The following GRIN3A variants were observed in gnomAD, a reference collection of about 807,000 sequenced individuals.
The protein encoded by GRIN3A is glutamate receptor ionotropic, NMDA 3A.
A neutral mutation model predicts 92.4 loss-of-function variants in GRIN3A; 47 were observed. The observed-to-expected ratio is 0.51, with a 90% CI of 0.40 to 0.65. The LOEUF is 0.65. Ranked by LOEUF, GRIN3A falls within the 30% of genes least tolerant of loss-of-function variation. The pLI is 0.00. For missense variants in GRIN3A, 1,324 were observed against 1,393.1 expected (o/e 0.95, Z 0.79); for synonymous variants, 527 against 540.6 (o/e 0.97, Z 0.35).
rs780818161 is a variant in GRIN3A, at chr9:101,670,282, T to G, written c.2130A>C (p.Arg710Ser). The G allele has an allele frequency of 6.2e-7, 1 of 1,614,064 alleles. No homozygotes were observed. The change falls in exon 3 of 9, where the codon AGA becomes AGC. Residue 710 changes from arginine to serine, a missense_variant. Physicochemically the swap from Arg to Ser is moderately radical, Grantham distance 110. Coordinates refer to ENST00000361820, the MANE Select transcript of GRIN3A (RefSeq NM_133445.3). ...CTGAAGAAAAGGAGAAGACTTTACT[T>G]CTATTTCGCCCCTTGGGAGTCAAAC... ...PFGLTPKGRN[R>S]SKVFSFSSAL...
intron 1 of GRIN3A, among the ~76,000 whole-genome samples, chr9:101,689,844 A>T (rs540012671): frequency 5.9e-5 from 9 of 152,294 alleles, no homozygotes; most frequent in African/African-American, 1.9e-4. Flanking sequence ...TCCAGGACAA[A>T]AATTAAACAA....
At chr9:101,711,756 G>A (rs925016608) in intron 1 of GRIN3A, among the ~76,000 whole-genome samples, 2 of 152,120 alleles carry the variant, frequency 1.3e-5, no homozygotes, top group African/African-American at 2.4e-5. Flanking sequence ...AGCGAAATGA[G>A]CATTGGAAAG....
intron 1 of GRIN3A, among the ~76,000 whole-genome samples, chr9:101,701,420 A>G (rs1004858490): frequency 4.6e-5 from 7 of 152,056 alleles, no homozygotes; most frequent in African/African-American, 7.2e-5. Context: ...CTATGTGTCC[A>G]TGTAGTCTCA....
intron 1 of GRIN3A, among the ~76,000 whole-genome samples, chr9:101,731,653 T>C (rs1830140678): frequency 6.6e-6 from 1 of 152,090 alleles, no homozygotes; most frequent in East Asian, 1.9e-4. Context: ...AGGTCAGGGA[T>C]CAACCCACTT....
chr9:101,735,539 G>A (rs1351768705), intron 1 of GRIN3A, among the ~76,000 whole-genome samples: 1 of 151,716 alleles, frequency 6.6e-6, no homozygotes, highest in Non-Finnish European at 1.5e-5. Flanking sequence ...TAAGGAACAC[G>A]AATTTTGGTG....
intron 5 of GRIN3A, among the ~76,000 whole-genome samples, chr9:101,618,479 A>T (rs1828499707): frequency 6.6e-6 from 1 of 152,218 alleles, no homozygotes; most frequent in East Asian, 1.9e-4. Flanking sequence ...GAGAAATGCA[A>T]ATCAAAACCA....
rs546072693 is a variant in GRIN3A, at chr9:101,711,218, T to G, written c.700-24018A>C. On this transcript the variant is annotated intron_variant, in intron 1 of 8. Coordinates refer to ENST00000361820, the MANE Select transcript of GRIN3A (RefSeq NM_133445.3). The stretch of plus-strand genomic sequence containing the variant: ...CAGGAGGACCATCTGCTTTGGGAGA[T>G]CCTGGATCATCGAGCCATGATGACA... Among the ~76,000 whole-genome samples the G allele has an allele frequency of 2.0e-5, 3 of 152,232 alleles. No individual in the cohort carries two copies. The East Asian group carries it at 5.8e-4, about 29-fold the overall frequency.
chr9:101,642,997 C>T (rs1828886514), intron 3 of GRIN3A, among the ~76,000 whole-genome samples: 4 of 151,970 alleles, frequency 2.6e-5, no homozygotes, highest in Admixed American at 2.6e-4. Flanking sequence ...TTATATATTA[C>T]AATGTAATAA....
chr9:101,681,695 C>CTTTT (rs1008362638), intron 2 of GRIN3A, among the ~76,000 whole-genome samples: 1 of 17,878 alleles, frequency 5.6e-5, no homozygotes, highest in East Asian at 3.8e-4. Flanking sequence ...TATCCCTATT[C>CTTTT]TTTTTTTTTT....
chr9:101,610,149 T>C (rs1022602638), intron 6 of GRIN3A, among the ~76,000 whole-genome samples: 1 of 152,250 alleles, frequency 6.6e-6, no homozygotes, highest in African/African-American at 2.4e-5. Flanking sequence ...CTCAATTGAC[T>C]GGTATAGGCC....
At chr9:101,655,077 A>G (rs997173776) in intron 3 of GRIN3A, among the ~76,000 whole-genome samples, 1 of 151,910 alleles carries the variant, frequency 6.6e-6, no homozygotes, top group Non-Finnish European at 1.5e-5. Context: ...AGTTTTTCCT[A>G]TAATTGCTAT....
chr9:101,697,728 C>G (rs998789987), intron 1 of GRIN3A, among the ~76,000 whole-genome samples: 1 of 152,144 alleles, frequency 6.6e-6, no homozygotes, highest in Non-Finnish European at 1.5e-5. Context: ...GAACTTAAAG[C>G]TCACCTATAT....
chr9:101,659,964 A>T (rs1829149819), intron 3 of GRIN3A, among the ~76,000 whole-genome samples: 1 of 151,864 alleles, frequency 6.6e-6, no homozygotes, highest in Admixed American at 6.6e-5. Context: ...TGAACTAGCA[A>T]AGCCTTGATG....
chr9:101,730,821 A>C (rs1471297794), intron 1 of GRIN3A, among the ~76,000 whole-genome samples: 2 of 152,160 alleles, frequency 1.3e-5, no homozygotes, highest in Non-Finnish European at 2.9e-5. Context: ...GAGAAAGTAT[A>C]AAGACAACTT....
At position 101,638,040 on chromosome 9, in the gene GRIN3A, A is replaced by G. The variant is rs186374920; in HGVS notation, c.2353-9639T>C. Reference sequence around the variant, plus strand: ...ATGCACCCCATCTACTATTTATAAAATAAGTTTCTAGTCTTTATTTTCTTT... The same window carrying G: ...ATGCACCCCATCTACTATTTATAAAGTAAGTTTCTAGTCTTTATTTTCTTT... On this transcript the variant is annotated intron_variant, in intron 3 of 8. Coordinates refer to ENST00000361820, the MANE Select transcript of GRIN3A (RefSeq NM_133445.3). Among the ~76,000 whole-genome samples the G allele has an allele frequency of 3.3e-5, 5 of 152,326 alleles. No individual in the cohort carries two copies. In the East Asian group the frequency reaches 7.7e-4, roughly 23 times the overall value.
In GRIN3A at chr9:101,670,653, T is replaced by A; in HGVS notation, c.1759A>T (p.Ile587Leu). 1 of 1,613,992 alleles carries A rather than the reference T, an allele frequency of 6.2e-7. No individual in the cohort carries two copies. Among genetic ancestry groups the A allele is most frequent in the Non-Finnish European group, 8.5e-7 (1 of 1,179,884 alleles). The part of the protein sequence containing the change: ...YGYCIDLLEK[I>L]AEDMNFDFDL... ...AAGTCAAAGTTCATGTCTTCTGCTA[T>A]CTTTTCCAGCAGATCAATGCAATAT... Residue 587 changes from isoleucine to leucine, a missense_variant, in exon 3 of 9, where the codon ATA becomes TTA. By Grantham distance (5) the Ile-to-Leu change is conservative (BLOSUM62 2). Coordinates refer to ENST00000361820, the MANE Select transcript of GRIN3A (RefSeq NM_133445.3).
chr9:101,694,935 A>T (rs1270213029), intron 1 of GRIN3A, among the ~76,000 whole-genome samples: 1 of 152,210 alleles, frequency 6.6e-6, no homozygotes, highest in Non-Finnish European at 1.5e-5. Flanking sequence ...TGCAATCTTC[A>T]GGAGCGTCTA....
chr9:101,711,994 G>A (rs1829885065), intron 1 of GRIN3A, among the ~76,000 whole-genome samples: 1 of 152,178 alleles, frequency 6.6e-6, no homozygotes, highest in Non-Finnish European at 1.5e-5. Flanking sequence ...CACCAGCTGA[G>A]CAACACCCCT....
chr9:101,671,073 C>T lies in GRIN3A; in HGVS notation c.1339G>A (p.Gly447Ser). 6.2e-7 allele frequency: 1 copy of T among 1,613,882 alleles called. No individual in the cohort carries two copies. Among genetic ancestry groups the T allele is most frequent in the Non-Finnish European group, 8.5e-7 (1 of 1,179,840 alleles). The change falls in exon 3 of 9, where the codon GGT becomes AGT. Residue 447 changes from glycine to serine, a missense_variant. Physicochemically the swap from Gly to Ser is moderately conservative, Grantham distance 56. Transcript: ENST00000361820. ...LANTTFRGLSGSIRVKGSTIV... is the reference protein window; with the variant it reads ...LANTTFRGLSSSIRVKGSTIV... ...GTGGAACCTTTTACTCTGATGGAAC[C>T]ACTGAGGCCTCTGAAAGTGGTATTG...
Sources: gnomAD v4.1 joint callset for allele counts (sites outside exome capture counted in the v4.1 genomes callset) on GRCh38, gnomAD v4.1.1 for gene constraint, MANE v1.5 for transcripts, NCBI Gene and HGNC (gene_info 2026-07-23, HGNC 2026-07-21) for gene names.